The following TPD52 variants were observed in gnomAD, a reference collection of about 807,000 sequenced individuals.
TPD52 encodes the protein tumor protein D52, also known as prostate and colon associated protein.
Under a neutral mutation model 31.3 loss-of-function variants are expected in TPD52, and 17 were observed. The observed-to-expected ratio is 0.54, with a 90% CI of 0.37 to 0.82. TPD52 has a LOEUF of 0.82. Among genes scored for constraint, TPD52 ranks in the 40% least tolerant of loss-of-function variants. The pLI, the probability that TPD52 is intolerant of heterozygous loss-of-function variation, is 0.00. For missense variants in TPD52, 212 were observed against 240.1 expected (o/e 0.88, Z 0.77); for synonymous variants, 83 against 89.6 (o/e 0.93, Z 0.42).
chr8:80,147,021 A>G (rs1482359872), intron 1 of TPD52, among the ~76,000 whole-genome samples: 1 of 152,180 alleles, frequency 6.6e-6, no homozygotes, highest in Non-Finnish European at 1.5e-5. Flanking sequence ...TGGGGTCAGC[A>G]GTCTGTTTTA....
chr8:80,159,375 T>C (rs1811202649), intron 1 of TPD52, among the ~76,000 whole-genome samples: 1 of 152,220 alleles, frequency 6.6e-6, no homozygotes, highest in Admixed American at 6.5e-5. Flanking sequence ...GATACACTGC[T>C]TGGTGCTCCT....
At position 80,053,312 on chromosome 8, in the gene TPD52, T is replaced by C; in HGVS notation, c.254A>G (p.Lys85Arg). 6.2e-7 allele frequency: 1 copy of C among 1,613,680 alleles called. No homozygotes were observed. The highest frequency in any genetic ancestry group is 8.5e-7 in the Non-Finnish European group (1 of 1,179,660). Residue 85 changes from lysine (K) to arginine (R), a missense_variant, in exon 3 of 8, where the codon AAA becomes AGA. Transcript: ENST00000518937. ...SLQELKQNIA[K>R]GWQDVTATSA... Reference sequence around the variant, plus strand: ...TGTTGCTGTCACGTCTTGCCACCCTTTGGCAATGTTCTGTTTTAGTTCCTG... The same window carrying C: ...TGTTGCTGTCACGTCTTGCCACCCTCTGGCAATGTTCTGTTTTAGTTCCTG...
chr8:80,071,675 C>T (rs2130754450), intron 1 of TPD52, among the ~76,000 whole-genome samples: 1 of 152,288 alleles, frequency 6.6e-6, no homozygotes, highest in East Asian at 1.9e-4. Flanking sequence ...TGGACATCCA[C>T]TTCACTCCTT....
intron 1 of TPD52, among the ~76,000 whole-genome samples, chr8:80,136,360 T>G (rs995819534): frequency 2.7e-5 from 4 of 149,562 alleles, no homozygotes; most frequent in Non-Finnish European, 4.5e-5. Flanking sequence ...CCATCTCTAC[T>G]AAAAATACAA....
At chr8:80,093,927 C>T (rs1463670732) in intron 1 of TPD52, among the ~76,000 whole-genome samples, 1 of 133,714 alleles carries the variant, frequency 7.5e-6, no homozygotes, top group Non-Finnish European at 1.6e-5. Flanking sequence ...GAAACCAAAT[C>T]AGTGTGTGGA....
intron 1 of TPD52, among the ~76,000 whole-genome samples, chr8:80,104,164 C>T (rs186183661): frequency 7.1e-6 from 1 of 139,918 alleles, no homozygotes; most frequent in Admixed American, 7.0e-5. Context: ...AGCCACCATC[C>T]AGGAGTGTCC....
intron 1 of TPD52, among the ~76,000 whole-genome samples, chr8:80,150,555 C>G (rs1439150688): frequency 6.6e-6 from 1 of 152,326 alleles, no homozygotes. Context: ...GGGAGGGAAG[C>G]TGTACCTGCA....
chr8:80,124,351 A>C (rs898871343), intron 1 of TPD52, among the ~76,000 whole-genome samples: 4 of 151,768 alleles, frequency 2.6e-5, no homozygotes, highest in Non-Finnish European at 5.9e-5. Context: ...TTTTTTGTGG[A>C]GATTAGAGAT....
chr8:80,050,863 C>A (rs1483686114), intron 4 of TPD52, among the ~76,000 whole-genome samples: 2 of 151,680 alleles, frequency 1.3e-5, no homozygotes, highest in East Asian at 3.9e-4. Flanking sequence ...TCTTGCATGC[C>A]AACAGAAGCA....
chr8:80,142,842 G>T (rs1340997649), intron 1 of TPD52, among the ~76,000 whole-genome samples: 2 of 152,314 alleles, frequency 1.3e-5, no homozygotes, highest in South Asian at 2.1e-4. Flanking sequence ...CGACACTGCT[G>T]ACTGTTGTGC....
At chr8:80,118,111 C>T (rs112082264) in intron 1 of TPD52, among the ~76,000 whole-genome samples, 2,060 of 152,188 alleles carry the variant, frequency 0.014, 21 homozygotes, top group Middle Eastern at 0.02. Context: ...TAAGAATAGA[C>T]ATATAGGTCA....
chr8:80,141,617 G>A (rs1809832310), intron 1 of TPD52, among the ~76,000 whole-genome samples: 1 of 152,154 alleles, frequency 6.6e-6, no homozygotes, highest in African/African-American at 2.4e-5. Flanking sequence ...CAGAAACTGT[G>A]AGATATAAAT....
chr8:80,070,992 G>A (rs1454944374), intron 1 of TPD52, among the ~76,000 whole-genome samples: 1 of 152,186 alleles, frequency 6.6e-6, no homozygotes, highest in Non-Finnish European at 1.5e-5. Context: ...TCAGAGAAGA[G>A]ATTATGTGAA....
At chr8:80,138,952 C>G (rs2131130289) in intron 1 of TPD52, among the ~76,000 whole-genome samples, 1 of 152,308 alleles carries the variant, frequency 6.6e-6, no homozygotes, top group Non-Finnish European at 1.5e-5. Flanking sequence ...GCCCCTCCGA[C>G]CCAGAGCCTC....
At chr8:80,149,892 C>A (rs529307062) in intron 1 of TPD52, among the ~76,000 whole-genome samples, 1 of 152,176 alleles carries the variant, frequency 6.6e-6, no homozygotes, top group African/African-American at 2.4e-5. Flanking sequence ...AAAAGAAAAA[C>A]CCATTTTCTA....
At chr8:80,094,301 T>C (rs1735734182) in intron 1 of TPD52, among the ~76,000 whole-genome samples, 1 of 151,266 alleles carries the variant, frequency 6.6e-6, no homozygotes, top group Non-Finnish European at 1.5e-5. Context: ...TTACTTAATA[T>C]GGCCAGGAAT....
At chr8:80,090,746 T>C (rs753187897) in intron 1 of TPD52, among the ~76,000 whole-genome samples, 11 of 152,098 alleles carry the variant, frequency 7.2e-5, no homozygotes, top group Admixed American at 2.0e-4. Context: ...GCCTCTTCTC[T>C]AGAATAAAAA....
At position 80,120,568 on chromosome 8, in the gene TPD52, A is replaced by T. The variant is rs914557324; in HGVS notation, c.19+50857T>A. Reference sequence around the variant, plus strand: ...AAAGCTATCGATGGGACTAAAACACAATATATGCATAGAAGTGAAGTGCTG... The same window carrying T: ...AAAGCTATCGATGGGACTAAAACACTATATATGCATAGAAGTGAAGTGCTG... On this transcript the variant is annotated intron_variant, in intron 1 of 7. Coordinates refer to ENST00000518937, the MANE Select transcript of TPD52 (RefSeq NM_001025253.3). 3.9e-5 allele frequency among the ~76,000 whole-genome samples: 6 copies of T among 152,192 alleles called. No individual in the cohort carries two copies. In the East Asian group the frequency reaches 1.2e-3, roughly 29 times the overall value.
chr8:80,158,939 G>A (rs1437890148), intron 1 of TPD52: 1 of 73,150 alleles, frequency 1.4e-5, no homozygotes, highest in East Asian at 3.7e-4. Context: ...GCGAGACTCC[G>A]TCTCAAAAAA....
Sources: allele counts gnomAD v4.1 joint callset (sites outside exome capture counted in the v4.1 genomes callset), GRCh38; gene constraint gnomAD v4.1.1; transcripts MANE v1.5; gene names NCBI Gene and HGNC (gene_info 2026-07-23, HGNC 2026-07-21).